The following CEP104 variants were observed in gnomAD, a reference collection of about 807,000 sequenced individuals.
CEP104 encodes centrosomal protein 104.
CEP104 carries 84 observed loss-of-function variants against 113.3 expected under a neutral mutation model. The observed-to-expected ratio is 0.74, with a 90% CI of 0.62 to 0.89. CEP104 has a LOEUF of 0.89. Ranked by LOEUF, CEP104 falls within the 40% of genes least tolerant of loss-of-function variation. The pLI, the probability that CEP104 is intolerant of heterozygous loss-of-function variation, is 0.00. For synonymous variants in CEP104, 378 were observed against 421.7 expected (o/e 0.90, Z 1.27); for missense variants, 1,053 against 1,156.6 (o/e 0.91, Z 1.30).
At chr1:3,831,394 GCGTAA>G (rs747373231) in intron 12 of CEP104, among the ~76,000 whole-genome samples, 172 bp from the exon 13 acceptor site, 2 of 152,220 alleles carry the variant, frequency 1.3e-5, no homozygotes, top group Non-Finnish European at 2.9e-5. Context: ...TCTATTTAAA[GCGTAA>G]CAACCATTAG....
In CEP104 at chr1:3,848,617, C is replaced by T. The variant is rs199576006; in HGVS notation, c.278G>A (p.Arg93Gln). 3.3e-4 allele frequency: 536 copies of T among 1,608,656 alleles called. No individual in the cohort carries two copies. The highest frequency in any genetic ancestry group is 4.3e-4 in the Non-Finnish European group (506 of 1,178,450). The change falls in exon 3 of 22, where the codon CGA becomes CAA. Residue 93 changes from arginine to glutamine, a missense_variant. By Grantham distance (43) the Arg-to-Gln change is conservative. Transcript: ENST00000378230. ...YFAPYQAERF[R>Q]RLGYVSLCDN... Reference sequence around the variant, plus strand: ...TAAATTTCATTCTTACCCAAGTCTTCGAAACCGCTCTGCTTGATAGGGTGC... The same window carrying T: ...TAAATTTCATTCTTACCCAAGTCTTTGAAACCGCTCTGCTTGATAGGGTGC...
intron 1 of CEP104, among the ~76,000 whole-genome samples, chr1:3,852,666 C>G (rs1026989134): frequency 1.3e-5 from 2 of 152,116 alleles, no homozygotes; most frequent in Admixed American, 6.5e-5. Flanking sequence ...AAAGTTTGAC[C>G]AGTGCTGTGG....
intron 17 of CEP104, among the ~76,000 whole-genome samples, 198 bp downstream of exon 17, chr1:3,826,172 T>C (rs540195782): frequency 6.6e-6 from 1 of 152,324 alleles, no homozygotes; most frequent in South Asian, 2.1e-4. Flanking sequence ...GCAGAAAGGA[T>C]ATTTTAAGTT....
intron 1 of CEP104, chr1:3,855,929 T>C: frequency 1.0e-6 from 1 of 985,404 alleles, no homozygotes; most frequent in African/African-American, 1.7e-5. Flanking sequence ...TCCCGACAAA[T>C]GCCAGAGTAC....
At chr1:3,818,033 C>T (rs1643906331) in intron 20 of CEP104, among the ~76,000 whole-genome samples, 2 of 152,348 alleles carry the variant, frequency 1.3e-5, no homozygotes, top group South Asian at 4.1e-4. Context: ...CGCCTGGCCG[C>T]CCTATGGCCA....
At chr1:3,850,536 GC>G in intron 2 of CEP104, among the ~76,000 whole-genome samples, 1 of 152,228 alleles carries the variant, frequency 6.6e-6, no homozygotes, top group African/African-American at 2.4e-5. Flanking sequence ...CTCTTTAACC[GC>G]CCCGTCAGTG....
Position 3,835,081 on chromosome 1 carries a change from G to A in CEP104, c.1329C>T (p.Ala443=). The change falls in exon 11 of 22, where the codon GCC becomes GCT. Residue 443 remains alanine (A), a synonymous_variant. Transcript: ENST00000378230. ...CTCGGTAGGACCACGTCTTACAATA[G>A]GCCTCAGCAACCTACCACAAAACAG... ...DVLGETLVAE[A]YCKTWSYRED... 2 of 1,612,790 alleles carry A rather than the reference G, an allele frequency of 1.2e-6. No homozygotes were observed. The highest frequency in any genetic ancestry group is 2.2e-5 in the South Asian group (2 of 90,758).
At chr1:3,851,032 G>A (rs1266047833) in intron 2 of CEP104, among the ~76,000 whole-genome samples, 2 of 152,202 alleles carry the variant, frequency 1.3e-5, no homozygotes, top group East Asian at 3.9e-4. Context: ...GGAGGAGAGG[G>A]CAGAGCGCTG....
intron 20 of CEP104, among the ~76,000 whole-genome samples, chr1:3,816,804 C>T (rs1488622253): frequency 6.6e-6 from 1 of 152,282 alleles, no homozygotes; most frequent in African/African-American, 2.4e-5. Flanking sequence ...CCACTCTCTT[C>T]ATCCCTGCTC....
chr1:3,826,511 A>G, intron 16 of CEP104, 75 bp from the exon 17 acceptor site: 1 of 1,412,218 alleles, frequency 7.1e-7, no homozygotes. Flanking sequence ...GTTTGATGTG[A>G]GCTCTAAAAC....
In CEP104 at chr1:3,812,200, G is replaced by C. The variant is rs963514432; in HGVS notation, c.*3202C>G. 6.6e-6 allele frequency: 1 copy of C among 152,064 alleles called. No homozygotes were observed. The highest frequency in any genetic ancestry group is 2.4e-5 in the African/African-American group (1 of 41,514). 9.4% of individuals were successfully genotyped at this position (152,064 alleles called of 1,614,324 possible). A position where few individuals can be genotyped will look rare whatever the true frequency, so the allele number is the denominator to read the frequency against. On this transcript the variant is annotated 3_prime_UTR_variant, in exon 22 of 22. Coordinates refer to ENST00000378230, the MANE Select transcript of CEP104 (RefSeq NM_014704.4). ...TTGTAATTCTGGTACTTGAAATAAA[G>C]ACAAATAGAAAACTATGTTAAAATA...
intron 21 of CEP104, 176 bp downstream of exon 21, chr1:3,816,104 G>T: frequency 1.8e-6 from 1 of 563,386 alleles, no homozygotes; most frequent in Non-Finnish European, 3.1e-6. Context: ...TTGGTCACAC[G>T]ATTCTGATTA....
Position 3,823,200 on chromosome 1 carries a change from G to A in CEP104, c.2545C>T (p.His849Tyr). Residue 849 changes from histidine to tyrosine, a missense_variant, in exon 20 of 22, where the codon CAT becomes TAT. Coordinates refer to ENST00000378230, the MANE Select transcript of CEP104 (RefSeq NM_014704.4). This position sits in a 1 kb window ranked among gnomAD's most constrained non-coding sequence, Gnocchi z 4.1. ...TCTTCTCCAGGGCTGAAGTTCTCAT[G>A]ACACAGGGGACACCGGTTTGCCAGC... is the stretch of plus-strand genomic sequence containing the variant. The part of the protein sequence containing the change: ...EKLANRCPLC[H>Y]ENFSPGEEAW... 1 of 1,614,182 alleles carries A rather than the reference G, an allele frequency of 6.2e-7. No individual in the cohort carries two copies. The highest frequency in any genetic ancestry group is 8.5e-7 in the Non-Finnish European group (1 of 1,180,034).
chr1:3,834,193 A>G (rs961905229), intron 11 of CEP104, among the ~76,000 whole-genome samples, 158 bp from the exon 12 acceptor site: 1 of 152,276 alleles, frequency 6.6e-6, no homozygotes, highest in Admixed American at 6.5e-5. Context: ...CTTTCTAAAC[A>G]CAGCACCTTG....
At chr1:3,838,757 C>T (rs1644360176) in intron 8 of CEP104, among the ~76,000 whole-genome samples, 1 of 152,190 alleles carries the variant, frequency 6.6e-6, no homozygotes. Context: ...GTTCCCTTTC[C>T]CACGACTGTG....
chr1:3,815,413 C>T lies in CEP104; in HGVS notation c.2767G>A (p.Ala923Thr), dbSNP rs199654344. 2.0e-5 allele frequency: 32 copies of T among 1,611,256 alleles called. No homozygotes were observed. Among genetic ancestry groups the T allele is most frequent in the Non-Finnish European group, 2.5e-5 (29 of 1,179,228 alleles). Residue 923 changes from alanine (A) to threonine (T), a missense_variant, in exon 22 of 22, where the codon GCC becomes ACC. Ala to Thr is a moderately conservative substitution (Grantham distance 58). Transcript: ENST00000378230. ...GLSKSSSRTY[A>T]KR ...GCCCGAGCGCCGCGTCAGCGCTTGGCGTACGTCCTGCTGGAGCTCTTGCTC... is the reference window on the plus strand; with the variant it reads ...GCCCGAGCGCCGCGTCAGCGCTTGGTGTACGTCCTGCTGGAGCTCTTGCTC...
chr1:3,836,253 C>T (rs957655556), intron 10 of CEP104, among the ~76,000 whole-genome samples: 9 of 146,886 alleles, frequency 6.1e-5, no homozygotes, highest in African/African-American at 2.0e-4. Flanking sequence ...TTGCAGTGAG[C>T]GGAGATCTTG....
At chr1:3,856,628 A>T (rs1323510994) in intron 1 of CEP104, among the ~76,000 whole-genome samples, 102 of 152,328 alleles carry the variant, frequency 6.7e-4, no homozygotes, top group Non-Finnish European at 1.3e-4. Flanking sequence ...ATTCCACGCT[A>T]AATGGGCCGT....
chr1:3,833,691 T>C (rs938773088), intron 12 of CEP104, 171 bp downstream of exon 12: 27 of 513,814 alleles, frequency 5.3e-5, no homozygotes, highest in Non-Finnish European at 7.5e-5. Context: ...CTGAAGTTTA[T>C]GTCTAAGACA....
Sources: allele counts gnomAD v4.1 joint callset (sites outside exome capture counted in the v4.1 genomes callset), GRCh38; gene constraint gnomAD v4.1.1; non-coding constraint Gnocchi (gnomAD v3.1); transcripts MANE v1.5; gene names NCBI Gene and HGNC (gene_info 2026-07-23, HGNC 2026-07-21).